Variants in MFN2 observed in about 807,000 individuals in gnomAD.
MFN2 encodes mitofusin 2, also known as mitofusin-2.
In MFN2, 43 loss-of-function variants were observed where a neutral mutation model predicts 87.5. The ratio of observed to expected loss-of-function variants is 0.49; its 90% CI spans 0.38 to 0.63. The LOEUF (loss-of-function observed/expected upper bound fraction) is 0.63, where lower values mean the gene tolerates loss of function less well. Among genes scored for constraint, MFN2 ranks in the 30% least tolerant of loss-of-function variants. The pLI is 0.00. For missense variants in MFN2, 743 were observed against 972.8 expected (o/e 0.76, Z 3.14); for synonymous variants, 337 against 359.9 (o/e 0.94, Z 0.72).
chr1:11,990,917 T>C (rs1432388896), intron 3 of MFN2, among the ~76,000 whole-genome samples: 1 of 152,182 alleles, frequency 6.6e-6, no homozygotes, highest in Non-Finnish European at 1.5e-5. Flanking sequence ...TTTCCTTTCA[T>C]GGCGCTGGCT....
At chr1:11,998,153 AT>A (rs1343814037) in intron 6 of MFN2, among the ~76,000 whole-genome samples, 1 of 151,456 alleles carries the variant, frequency 6.6e-6, no homozygotes, top group Admixed American at 6.6e-5. Flanking sequence ...AAGTGCTGGG[AT>A]TACGGGCATG....
At position 12,012,485 on chromosome 1, in the gene MFN2, T is replaced by TG. The variant is rs1639735132; in HGVS notation, c.*923dup. ...GGCCCCACACAGGACAGCTGGAGAATGGGCCGTCCACTTGGCCTCGTTCTG... is the reference window on the plus strand; with the variant it reads ...GGCCCCACACAGGACAGCTGGAGAATGGGGCCGTCCACTTGGCCTCGTTCTG... On this transcript the variant is annotated 3_prime_UTR_variant, in exon 19 of 19. Coordinates refer to ENST00000235329, the MANE Select transcript of MFN2 (RefSeq NM_014874.4). 6.6e-6 allele frequency: 1 copy of TG among 152,292 alleles called. No individual in the cohort carries two copies. The highest frequency in any genetic ancestry group is 6.6e-5 in the Admixed American group (1 of 15,266). 9.4% of individuals were successfully genotyped at this position (152,292 alleles called of 1,614,324 possible). A position where few individuals can be genotyped will look rare whatever the true frequency, so the allele number is the denominator to read the frequency against.
chr1:12,003,810 G>A lies in MFN2; in HGVS notation c.1161-182G>A, dbSNP rs567260526. Among the ~76,000 whole-genome samples the A allele has an allele frequency of 2.0e-5, 3 of 152,360 alleles. No homozygotes were observed. Among genetic ancestry groups the A allele is most frequent in the African/African-American group, 2.4e-5 (1 of 41,598 alleles). ...TGACCCACATCGAAGACTGAAGAGTGCATGGTTGGCTGCAGGGTCCTCTTC... is the reference window on the plus strand; with the variant it reads ...TGACCCACATCGAAGACTGAAGAGTACATGGTTGGCTGCAGGGTCCTCTTC... On this transcript the variant is annotated intron_variant, in intron 11 of 18. Transcript: ENST00000235329. This position sits in a 1 kb window ranked among gnomAD's most constrained non-coding sequence, Gnocchi z 4.1.
intron 18 of MFN2, 117 bp from the exon 19 acceptor site, chr1:12,011,379 T>G: frequency 6.7e-6 from 7 of 1,049,344 alleles, no homozygotes; most frequent in Non-Finnish European, 1.0e-5. Context: ...ATAAACACGA[T>G]TGTTGGAGGA....
At chr1:11,989,984 C>T (rs951625581) in intron 3 of MFN2, among the ~76,000 whole-genome samples, 3 of 152,188 alleles carry the variant, frequency 2.0e-5, no homozygotes, top group African/African-American at 2.4e-5. Context: ...GACACTTTGG[C>T]GCCAGGTCCT....
chr1:12,010,116 T>C (rs1639626205), intron 18 of MFN2, among the ~76,000 whole-genome samples: 1 of 151,970 alleles, frequency 6.6e-6, no homozygotes, highest in African/African-American at 2.4e-5. Flanking sequence ...ATTATGCCAT[T>C]GCACTCCAGC....
rs187919390 is a variant in MFN2, at chr1:11,997,497, G to T, written c.599+76G>T. 5.0e-6 allele frequency: 8 copies of T among 1,597,510 alleles called. No homozygotes were observed. The East Asian group carries it at 1.8e-4, about 36-fold the overall frequency. ...TCCATTTCTGGATAATCTAGGCCAGGGTCCCTGGGCCCCATCCTTGCTCTG... is the reference window on the plus strand; with the variant it reads ...TCCATTTCTGGATAATCTAGGCCAGTGTCCCTGGGCCCCATCCTTGCTCTG... On this transcript the variant is annotated intron_variant, in intron 6 of 18. Coordinates refer to ENST00000235329, the MANE Select transcript of MFN2 (RefSeq NM_014874.4).
At chr1:11,987,002 C>T (rs1196126254) in intron 2 of MFN2, among the ~76,000 whole-genome samples, 2 of 152,158 alleles carry the variant, frequency 1.3e-5, no homozygotes, top group African/African-American at 4.8e-5. Context: ...GAGAGACAGT[C>T]ACACAAAAAT....
In MFN2 at chr1:12,001,780, G is replaced by A. The variant is rs771900151; in HGVS notation, c.982G>A (p.Ala328Thr). Residue 328 changes from alanine (A) to threonine (T), a missense_variant, in exon 10 of 19, where the codon GCA becomes ACA. Transcript: ENST00000235329. ...QGMPEGGGAL[A>T]EGFQVRMFEF... ...TACAATCCTCCTAGGGGGCGCTCTCGCAGAAGGCTTTCAAGTGAGGATGTT... is the reference window on the plus strand; with the variant it reads ...TACAATCCTCCTAGGGGGCGCTCTCACAGAAGGCTTTCAAGTGAGGATGTT... The A allele has an allele frequency of 1.4e-5, 22 of 1,614,090 alleles. No individual in the cohort carries two copies. Among genetic ancestry groups the A allele is most frequent in the Admixed American group, 3.3e-5 (2 of 60,008 alleles).
At chr1:12,000,436 C>A (rs186380582) in intron 8 of MFN2, among the ~76,000 whole-genome samples, 4 of 152,112 alleles carry the variant, frequency 2.6e-5, no homozygotes, top group Non-Finnish European at 5.9e-5. Context: ...GTGATCCGCC[C>A]GCCTCGGCCT....
intron 4 of MFN2, among the ~76,000 whole-genome samples, chr1:11,993,817 A>G (rs914443506): frequency 1.7e-4 from 26 of 152,192 alleles, no homozygotes; most frequent in African/African-American, 6.0e-4. Context: ...TACATGAAGT[A>G]TTCATTTTTC....
chr1:11,988,425 A>G lies in MFN2; in HGVS notation c.-4-740A>G, dbSNP rs573071601. ...GCTGTTTTTTTTTTTTTTTTTAAAT[A>G]GAGACGGGGTCCTACATTGCCTAGG... On this transcript the variant is annotated intron_variant, in intron 2 of 18. Coordinates refer to ENST00000235329, the MANE Select transcript of MFN2 (RefSeq NM_014874.4). Among the ~76,000 whole-genome samples, 11 of 141,456 alleles carry G rather than the reference A, an allele frequency of 7.8e-5. No homozygotes were observed. In the South Asian group the frequency reaches 2.2e-3, roughly 28 times the overall value. 92.8% of individuals were successfully genotyped at this position (141,456 alleles called of 152,430 possible). A position where few individuals can be genotyped will look rare whatever the true frequency, so the allele number is the denominator to read the frequency against.
In MFN2 at chr1:11,989,285, C is replaced by A. The variant is rs1288073943; in HGVS notation, c.117C>A (p.Ile39=). 6.2e-7 allele frequency: 1 copy of A among 1,613,968 alleles called. No homozygotes were observed. The highest frequency in any genetic ancestry group is 8.5e-7 in the Non-Finnish European group (1 of 1,180,044). ...ACTTTGTCACTGCCAAGAAGAAGAT[C>A]AATGGCATTTTTGAGCAGCTGGGGG... ...LKHFVTAKKK[I]NGIFEQLGAY... The change falls in exon 3 of 19, where the codon ATC becomes ATA. Residue 39 remains isoleucine (I), a synonymous_variant. Transcript: ENST00000235329.
At position 12,003,933 on chromosome 1, in the gene MFN2, CT is replaced by C; in HGVS notation, c.1161-57del. On this transcript the variant is annotated intron_variant, in intron 11 of 18. Coordinates refer to ENST00000235329, the MANE Select transcript of MFN2 (RefSeq NM_014874.4). This position sits in a 1 kb window ranked among gnomAD's most constrained non-coding sequence, Gnocchi z 4.1. ...CGGCGTGGGATTTCTGGCATCCCCT[CT>C]TGCTCCTCTGCTTAGTCAGACAGGA... is the stretch of plus-strand genomic sequence containing the variant. 6.2e-7 allele frequency: 1 copy of C among 1,612,294 alleles called. No homozygotes were observed. The highest frequency in any genetic ancestry group is 1.1e-5 in the South Asian group (1 of 90,986).
rs752881611 is a variant in MFN2 at position 12,007,115 on chromosome 1, C to T, written c.1935C>T (p.Tyr645=). 6.8e-6 allele frequency: 11 copies of T among 1,614,198 alleles called. No homozygotes were observed. Among genetic ancestry groups the T allele is most frequent in the South Asian group, 2.2e-5 (2 of 91,082 alleles). The change falls in exon 17 of 19, where the codon TAC becomes TAT. Residue 645 remains tyrosine (Y), a synonymous_variant. Transcript: ENST00000235329. ...ALSFGLYGLL[Y]VYERLTWTTK... is the part of the protein sequence containing the mutation. ...CCTTTGGGCTCTATGGCCTCCTCTA[C>T]GTCTATGAGCGTCTGACCTGGACCA...
Position 11,997,675 on chromosome 1 carries a change from G to A in MFN2, c.599+254G>A, listed in dbSNP as rs80100170. Among the ~76,000 whole-genome samples the A allele has an allele frequency of 3.9e-3, 593 of 152,224 alleles. 25 individuals carry two copies. In the South Asian group the frequency reaches 0.068, roughly 17 times the overall value. On this transcript the variant is annotated intron_variant, in intron 6 of 18. Transcript: ENST00000235329. The stretch of plus-strand genomic sequence containing the variant: ...TAGGAGGGATGCTCAAAAGTTGGTG[G>A]GGGAGGTTCTCAATCTCAGCCCAGT...
intron 3 of MFN2, among the ~76,000 whole-genome samples, chr1:11,989,871 C>T (rs945900571): frequency 6.6e-5 from 10 of 152,234 alleles, no homozygotes; most frequent in African/African-American, 2.2e-4. Context: ...TTGAGCCCAA[C>T]CTCTAGTTCC....
intron 2 of MFN2, among the ~76,000 whole-genome samples, chr1:11,988,182 A>C (rs2100799669): frequency 1.3e-5 from 2 of 151,716 alleles, no homozygotes; most frequent in Middle Eastern, 6.8e-3. Context: ...GGCTCACTGC[A>C]ACCTCCGCCT....
rs996085501 is a variant in MFN2, at chr1:12,003,747, C to T, written c.1161-245C>T. On this transcript the variant is annotated intron_variant, in intron 11 of 18. Coordinates refer to ENST00000235329, the MANE Select transcript of MFN2 (RefSeq NM_014874.4). This position sits in a 1 kb window ranked among gnomAD's most constrained non-coding sequence, Gnocchi z 4.1. ...TATTAATTGGCAGAATTTGTTTAAA[C>T]CCCCTTAAAGCGCCCTCCCTGTTTT... is the stretch of plus-strand genomic sequence containing the variant. Among the ~76,000 whole-genome samples, 3 of 152,120 alleles carry T rather than the reference C, an allele frequency of 2.0e-5. No individual in the cohort carries two copies. Among genetic ancestry groups the T allele is most frequent in the Non-Finnish European group, 2.9e-5 (2 of 68,022 alleles).
Sources: allele counts gnomAD v4.1 joint callset (sites outside exome capture counted in the v4.1 genomes callset), GRCh38; gene constraint gnomAD v4.1.1; non-coding constraint Gnocchi (gnomAD v3.1); transcripts MANE v1.5; gene names NCBI Gene and HGNC (gene_info 2026-07-23, HGNC 2026-07-21).